SLC28A3: variants seen among roughly 807,000 people sequenced by gnomAD.
The protein encoded by SLC28A3 is solute carrier family 28 member 3.
SLC28A3 carries 68 observed loss-of-function variants against 84.2 expected under a neutral mutation model. That is an observed-to-expected ratio of 0.81 (90% CI 0.66 to 0.99). The LOEUF is 0.99. Among genes scored for constraint, SLC28A3 ranks in the 50% least tolerant of loss-of-function variants. SLC28A3 has a pLI of 0.00. For missense variants in SLC28A3, 712 were observed against 841.5 expected, an observed-to-expected ratio of 0.85 and a Z score of 1.90; for synonymous variants, 267 against 303.6, an observed-to-expected ratio of 0.88 and a Z score of 1.25.
chr9:84,310,202 CA>C (rs1825943856), intron 2 of SLC28A3, among the ~76,000 whole-genome samples: 1 of 152,190 alleles, frequency 6.6e-6, no homozygotes, highest in Non-Finnish European at 1.5e-5. Context: ...CTTCAAGAGC[CA>C]ATAAGCCTCC....
chr9:84,302,177 A>G, intron 5 of SLC28A3, 23 bp downstream of exon 5: 1 of 1,606,298 alleles, frequency 6.2e-7, no homozygotes, highest in East Asian at 2.2e-5. Flanking sequence ...CTTAACTGAA[A>G]TAAGAGAACC....
At chr9:84,319,784 A>G (rs1323011478) in intron 1 of SLC28A3, among the ~76,000 whole-genome samples, 1 of 152,152 alleles carries the variant, frequency 6.6e-6, no homozygotes, top group Non-Finnish European at 1.5e-5. Context: ...AGGAGACCAG[A>G]GAAGTCTAAA....
chr9:84,285,256 C>A (rs1824934369), intron 14 of SLC28A3, 89 bp downstream of exon 14: 1 of 1,304,800 alleles, frequency 7.7e-7, no homozygotes, highest in Admixed American at 2.0e-5. Context: ...AGGTGCCTGG[C>A]ATAGTGCTTG....
the SLC28A3 span, among the ~76,000 whole-genome samples, chr9:84,365,822 G>A: frequency 1.3e-5 from 2 of 152,162 alleles, no homozygotes. Context: ...AGGCTGAGGT[G>A]GGAGGATCAC....
At chr9:84,295,216 A>AT (rs1264866203) in intron 8 of SLC28A3, among the ~76,000 whole-genome samples, 2 of 151,930 alleles carry the variant, frequency 1.3e-5, no homozygotes, top group African/African-American at 4.8e-5. Context: ...AATAATAGTG[A>AT]TTTTACCTAT....
rs1436014304 is a variant in SLC28A3, at chr9:84,279,348, A to G, written c.1866T>C (p.His622=). ...AGTTGAAGGCATTCTCTAAAACGTG[A>G]TGGCAGTTGATGTCCACAGGAGTGC... is the stretch of plus-strand genomic sequence containing the variant. ...LSSTPVDINC[H]HVLENAFNST... The change falls in exon 17 of 18, where the codon CAT becomes CAC. Residue 622 remains histidine, a synonymous_variant. Coordinates refer to ENST00000376238, the MANE Select transcript of SLC28A3 (RefSeq NM_001199633.2). The G allele has an allele frequency of 2.5e-6, 4 of 1,612,900 alleles. No homozygotes were observed. Among genetic ancestry groups the G allele is most frequent in the Non-Finnish European group, 3.4e-6 (4 of 1,179,340 alleles).
rs988798174 is a variant in SLC28A3, at chr9:84,339,365, T to G, written c.60+1209A>C. ...CCCAGATTCAAGTGATTCTCCTGCC[T>G]CGGCCTCCCGAGTAGCTGGGACTAC... On this transcript the variant is annotated intron_variant, in intron 1 of 17. Transcript: ENST00000376238. Among the ~76,000 whole-genome samples the G allele has an allele frequency of 3.9e-5, 6 of 152,258 alleles. No individual in the cohort carries two copies. The East Asian group carries it at 1.2e-3, about 29-fold the overall frequency.
chr9:84,332,242 G>A (rs1459976133), intron 1 of SLC28A3, among the ~76,000 whole-genome samples: 1 of 152,248 alleles, frequency 6.6e-6, no homozygotes, highest in Non-Finnish European at 1.5e-5. Flanking sequence ...TCTAAATCTG[G>A]TAACTACTTT....
At position 84,302,299 on chromosome 9, in the gene SLC28A3, A is replaced by G; in HGVS notation, c.425T>C (p.Val142Ala). 1 of 1,614,190 alleles carries G rather than the reference A, an allele frequency of 6.2e-7. No individual in the cohort carries two copies. Residue 142 changes from valine to alanine, a missense_variant, in exon 5 of 18, where the codon GTT becomes GCT. Coordinates refer to ENST00000376238, the MANE Select transcript of SLC28A3 (RefSeq NM_001199633.2). ...FVITVAAIFF[V>A]VWDHLMAKYE... is the part of the protein sequence containing the mutation. The stretch of plus-strand genomic sequence containing the variant: ...TTTGGCCATCAGGTGATCCCAGACA[A>G]CAAAGAAGATGGCAGCCACGGTGAT...
At chr9:84,324,894 A>G (rs1361423960) in intron 1 of SLC28A3, among the ~76,000 whole-genome samples, 1 of 152,182 alleles carries the variant, frequency 6.6e-6, no homozygotes, top group African/African-American at 2.4e-5. Context: ...CTCCCATGGT[A>G]TAAAGCAACC....
At chr9:84,289,654 AG>A (rs1305970449) in intron 11 of SLC28A3, among the ~76,000 whole-genome samples, 30 of 152,230 alleles carry the variant, frequency 2.0e-4, no homozygotes, top group Admixed American at 1.7e-3. Context: ...GGGTCAGAAA[AG>A]TTTTTCTGTA....
intron 1 of SLC28A3, among the ~76,000 whole-genome samples, chr9:84,321,476 G>A (rs1447430021): frequency 5.9e-5 from 9 of 151,998 alleles, no homozygotes; most frequent in Admixed American, 5.9e-4. Flanking sequence ...GCTCACGCCT[G>A]TAATCCCAGC....
At chr9:84,348,218 G>T in the SLC28A3 span, among the ~76,000 whole-genome samples, 26 of 152,100 alleles carry the variant, frequency 1.7e-4, no homozygotes, top group Non-Finnish European at 2.8e-4. Flanking sequence ...GCCGGACATG[G>T]TGGCTCACAC....
At chr9:84,351,708 C>T in the SLC28A3 span, among the ~76,000 whole-genome samples, 3 of 148,060 alleles carry the variant, frequency 2.0e-5, no homozygotes, top group African/African-American at 2.5e-5. Context: ...AAAAAGACAA[C>T]GTAGGGACAA....
intron 5 of SLC28A3, among the ~76,000 whole-genome samples, chr9:84,300,781 G>A (rs559890976): frequency 6.6e-6 from 1 of 152,176 alleles, no homozygotes; most frequent in South Asian, 2.1e-4. Flanking sequence ...CACTTCACAG[G>A]CCCTTCCTCC....
In SLC28A3 at chr9:84,288,115, T is replaced by G. The variant is rs147279405; in HGVS notation, c.1213A>C (p.Lys405Gln). The G allele has an allele frequency of 1.8e-4, 292 of 1,614,146 alleles. No homozygotes were observed. In the African/African-American group the frequency reaches 3.4e-3, roughly 19 times the overall value. ...MSAPASLAAA[K>Q]LFWPETEKPK... ...TTTTCTGTCTCAGGCCAAAAGAGTT[T>G]AGCAGCAGCCAATGACGCAGGTGCT... The change falls in exon 12 of 18, where the codon AAA becomes CAA. Residue 405 changes from lysine (K) to glutamine (Q), a missense_variant. Coordinates refer to ENST00000376238, the MANE Select transcript of SLC28A3 (RefSeq NM_001199633.2).
At chr9:84,344,045 G>C (rs930886680), upstream of SLC28A3, among the ~76,000 whole-genome samples, 1 of 152,100 alleles carries the variant, frequency 6.6e-6, no homozygotes, top group Non-Finnish European at 1.5e-5. Flanking sequence ...TGAGTTCTCT[G>C]TATCTCAGAT....
chr9:84,292,956 C>T (rs1157688935), intron 9 of SLC28A3, among the ~76,000 whole-genome samples: 1 of 152,228 alleles, frequency 6.6e-6, no homozygotes, highest in Admixed American at 6.5e-5. Flanking sequence ...AAGTCTGAGT[C>T]ATTGCGTATA....
the SLC28A3 span, among the ~76,000 whole-genome samples, chr9:84,359,213 C>G: frequency 3.2e-3 from 490 of 152,260 alleles, 3 homozygotes; most frequent in Admixed American, 7.3e-3. Flanking sequence ...GGGCCATGAG[C>G]CCTCTAATAC....
Sources: gnomAD v4.1 joint callset for allele counts (sites outside exome capture counted in the v4.1 genomes callset) on GRCh38, gnomAD v4.1.1 for gene constraint, MANE v1.5 for transcripts, NCBI Gene and HGNC (gene_info 2026-07-23, HGNC 2026-07-21) for gene names.